Variants in HDAC4 observed in about 807,000 individuals in gnomAD.
HDAC4 encodes histone deacetylase 4.
HDAC4 carries 16 observed loss-of-function variants against 135.1 expected under a neutral mutation model. The ratio of observed to expected loss-of-function variants is 0.12; its 90% CI spans 0.08 to 0.18. The LOEUF is 0.18. HDAC4 is among the 10% of genes least tolerant of loss of function. HDAC4 has a pLI of 1.00. For missense variants in HDAC4, 1,143 were observed against 1,511.8 expected (o/e 0.76, Z 4.05); for synonymous variants, 685 against 653.4 (o/e 1.05, Z -0.74).
At chr2:239,154,699 G>C (rs1003862396) in intron 7 of HDAC4, 1 of 152,148 alleles carries the variant, frequency 6.6e-6, no homozygotes, top group Non-Finnish European at 1.5e-5. Context: ...CGATTTGTAA[G>C]AATCAGCCCA....
intron 1 of HDAC4, among the ~76,000 whole-genome samples, chr2:239,378,856 AAC>A (rs946375492): frequency 6.6e-6 from 1 of 152,166 alleles, no homozygotes; most frequent in African/African-American, 2.4e-5. Flanking sequence ...CCTGAGGCAA[AAC>A]AGTCTTTCGA....
chr2:239,318,334 C>T (rs1409552170), intron 2 of HDAC4, among the ~76,000 whole-genome samples: 1 of 152,176 alleles, frequency 6.6e-6, no homozygotes, highest in Non-Finnish European at 1.5e-5. Flanking sequence ...ATGCCGAAAT[C>T]CCAAGCTGAA....
chr2:239,126,228 A>G (rs567126353), intron 12 of HDAC4, among the ~76,000 whole-genome samples: 2 of 152,092 alleles, frequency 1.3e-5, no homozygotes, highest in East Asian at 3.9e-4. Flanking sequence ...TGCGCGTCCC[A>G]CTCCCTGCAG....
At chr2:239,377,970 G>A (rs1219352751) in intron 1 of HDAC4, among the ~76,000 whole-genome samples, 1 of 152,092 alleles carries the variant, frequency 6.6e-6, no homozygotes, top group Non-Finnish European at 1.5e-5. Context: ...GAGTTCTATG[G>A]ACATCAAAAT....
In HDAC4 at chr2:239,141,401, C is replaced by T. The variant is rs910943540; in HGVS notation, c.866-1605G>A. Among the ~76,000 whole-genome samples, 6 of 152,160 alleles carry T rather than the reference C, an allele frequency of 3.9e-5. No homozygotes were observed. Among genetic ancestry groups the T allele is most frequent in the Non-Finnish European group, 5.9e-5 (4 of 68,024 alleles). On this transcript the variant is annotated intron_variant, in intron 8 of 26. Transcript: ENST00000543185. This position sits in a 1 kb window ranked among gnomAD's most constrained non-coding sequence, Gnocchi z 4.9. ...TGAGCATGAATACAGGACTGGGTCC[C>T]GACCCTACCCCATCCTCTTTCTTTC...
intron 2 of HDAC4, among the ~76,000 whole-genome samples, chr2:239,282,730 C>T (rs1248899268): frequency 6.6e-6 from 1 of 150,548 alleles, no homozygotes; most frequent in African/African-American, 2.4e-5. Context: ...CACCACTCTA[C>T]AATGAACACA....
intron 2 of HDAC4, among the ~76,000 whole-genome samples, chr2:239,324,547 C>G (rs994557137): frequency 5.9e-5 from 9 of 152,242 alleles, no homozygotes; most frequent in Non-Finnish European, 1.2e-4. Context: ...GCAGCCCACC[C>G]GCTTCAGTGC....
chr2:239,140,276 A>T (rs2041269597), intron 8 of HDAC4, among the ~76,000 whole-genome samples: 1 of 152,184 alleles, frequency 6.6e-6, no homozygotes, highest in Non-Finnish European at 1.5e-5. Context: ...CCAGGGGAAA[A>T]TATAGCCAGT....
At chr2:239,384,451 C>CAAAA (rs5839742) in intron 1 of HDAC4, among the ~76,000 whole-genome samples, 1 of 95,082 alleles carries the variant, frequency 1.1e-5, no homozygotes, top group Non-Finnish European at 2.1e-5. Flanking sequence ...CCTGTCTCTA[C>CAAAA]AAAAAAAAAA....
chr2:239,141,695 T>G lies in HDAC4; in HGVS notation c.866-1899A>C, dbSNP rs1269283127. Among the ~76,000 whole-genome samples the G allele has an allele frequency of 6.6e-6, 1 of 152,160 alleles. No individual in the cohort carries two copies. The highest frequency in any genetic ancestry group is 1.5e-5 in the Non-Finnish European group (1 of 68,032). On this transcript the variant is annotated intron_variant, in intron 8 of 26. Coordinates refer to ENST00000543185, the MANE Select transcript of HDAC4 (RefSeq NM_001378414.1). This position sits in a 1 kb window ranked among gnomAD's most constrained non-coding sequence, Gnocchi z 4.9. ...AGCTGTCTCCAGCTACACACCAAGA[T>G]CCAGCAGATCTTCCCTGTAATGGGT...
In HDAC4 at chr2:239,139,024, G is replaced by A. The variant is rs2041165698; in HGVS notation, c.978+660C>T. Among the ~76,000 whole-genome samples, 2 of 152,162 alleles carry A rather than the reference G, an allele frequency of 1.3e-5. No individual in the cohort carries two copies. The highest frequency in any genetic ancestry group is 4.1e-4 in the South Asian group (2 of 4,826). The stretch of plus-strand genomic sequence containing the variant: ...CCTGACTCCTCTCTAGCTTGCCAAT[G>A]TCCCTCCCAGACTGTGGCACCACTT... On this transcript the variant is annotated intron_variant, in intron 9 of 26. Transcript: ENST00000543185. The surrounding 1 kb of genome is among the most constrained non-coding windows in gnomAD (Gnocchi z 5.3).
chr2:239,362,813 C>T (rs1227975304), intron 1 of HDAC4, among the ~76,000 whole-genome samples: 2 of 152,166 alleles, frequency 1.3e-5, no homozygotes, highest in African/African-American at 4.8e-5. Context: ...CTAGCCAGGG[C>T]AGTAAGGCAA....
At chr2:239,177,476 C>T (rs370164782) in intron 4 of HDAC4, among the ~76,000 whole-genome samples, 9 of 152,066 alleles carry the variant, frequency 5.9e-5, no homozygotes, top group East Asian at 1.9e-4. Flanking sequence ...GCTGCCTCTG[C>T]GGGGGTGAGG....
At chr2:239,340,729 C>T (rs1692248632) in intron 2 of HDAC4, among the ~76,000 whole-genome samples, 1 of 152,206 alleles carries the variant, frequency 6.6e-6, no homozygotes, top group South Asian at 2.1e-4. Flanking sequence ...ACAGGGCTCC[C>T]CGTGCTGAGG....
At chr2:239,144,503 G>C (rs925325611) in intron 8 of HDAC4, 80 bp downstream of exon 8, 1 of 1,581,438 alleles carries the variant, frequency 6.3e-7, no homozygotes, top group African/African-American at 1.3e-5. Flanking sequence ...GTTTTCAGAA[G>C]CTCCTGAGAG....
intron 2 of HDAC4, among the ~76,000 whole-genome samples, chr2:239,314,518 A>G (rs2053035102): frequency 6.6e-6 from 1 of 152,252 alleles, no homozygotes; most frequent in East Asian, 1.9e-4. Flanking sequence ...GAAAGGAGAC[A>G]GATGTCTCAG....
chr2:239,200,295 C>T (rs1349808954), intron 3 of HDAC4, among the ~76,000 whole-genome samples: 2 of 152,192 alleles, frequency 1.3e-5, no homozygotes, highest in South Asian at 2.1e-4. Context: ...AGACCCATTC[C>T]AAACGCTGAC....
rs1240458818 is a variant in HDAC4 at position 239,156,877 on chromosome 2, G to T, written c.612-104C>A. The T allele has an allele frequency of 3.7e-6, 5 of 1,348,244 alleles. No homozygotes were observed. The Admixed American group carries it at 5.6e-5, about 15-fold the overall frequency. The allele number at this position is 1,348,244 out of a possible 1,614,324, so 83.5% of individuals were successfully genotyped here. A position where few individuals can be genotyped will look rare whatever the true frequency, so the allele number is the denominator to read the frequency against. ...CGATGATCTTTCCCTTGAAACCTCA[G>T]CCCCACCTCAACAGACACACCTTTT... On this transcript the variant is annotated intron_variant, in intron 6 of 26. Coordinates refer to ENST00000543185, the MANE Select transcript of HDAC4 (RefSeq NM_001378414.1).
chr2:239,063,063 G>A (rs1158157202), intron 24 of HDAC4, among the ~76,000 whole-genome samples: 9 of 152,146 alleles, frequency 5.9e-5, no homozygotes, highest in East Asian at 1.9e-4. Flanking sequence ...TTGTGCCCTT[G>A]GGGCTTGGCA....
Sources: allele counts gnomAD v4.1 joint callset (sites outside exome capture counted in the v4.1 genomes callset), GRCh38; gene constraint gnomAD v4.1.1; non-coding constraint Gnocchi (gnomAD v3.1); transcripts MANE v1.5; gene names NCBI Gene and HGNC (gene_info 2026-07-23, HGNC 2026-07-21).